Variants in TTC28 observed in about 807,000 individuals in gnomAD.
TTC28 encodes tetratricopeptide repeat domain 28, also known as tetratricopeptide repeat protein 28.
TTC28 carries 61 observed loss-of-function variants against 198.0 expected under a neutral mutation model. That is an observed-to-expected ratio of 0.31 (90% CI 0.25 to 0.38). TTC28 has a LOEUF of 0.38. Ranked by LOEUF, TTC28 falls within the 10% of genes least tolerant of loss-of-function variation. The pLI, the probability that TTC28 is intolerant of heterozygous loss-of-function variation, is 1.00. For missense variants in TTC28, 2,678 were observed against 3,164.0 expected (o/e 0.85, Z 3.69); for synonymous variants, 1,171 against 1,297.8 (o/e 0.90, Z 2.10).
At chr22:28,306,752 A>C in intron 2 of TTC28, 109 bp from the exon 3 acceptor site, 1 of 1,208,922 alleles carries the variant, frequency 8.3e-7, no homozygotes, top group Non-Finnish European at 1.2e-6. Context: ...GATGTACTTG[A>C]TTTAAAAACC....
intron 2 of TTC28, among the ~76,000 whole-genome samples, chr22:28,548,394 T>C (rs1272550103): frequency 6.6e-6 from 1 of 152,158 alleles, no homozygotes; most frequent in Non-Finnish European, 1.5e-5. Context: ...CAAACCAACA[T>C]GGCAATCTCT....
chr22:28,536,124 G>T (rs1396343455), intron 2 of TTC28, among the ~76,000 whole-genome samples: 6 of 149,154 alleles, frequency 4.0e-5, no homozygotes, highest in Non-Finnish European at 8.9e-5. Context: ...GCGGGAACCC[G>T]GGAGGCGGAG....
chr22:28,509,616 A>G (rs983256760), intron 2 of TTC28, among the ~76,000 whole-genome samples: 3 of 152,190 alleles, frequency 2.0e-5, no homozygotes, highest in African/African-American at 7.2e-5. Flanking sequence ...CATCTCAACT[A>G]AAAGAACTAG....
At chr22:28,086,746 A>G (rs2146830881) in intron 12 of TTC28, among the ~76,000 whole-genome samples, 1 of 152,324 alleles carries the variant, frequency 6.6e-6, no homozygotes, top group Middle Eastern at 3.4e-3. Context: ...GAAAGGATCA[A>G]CAAAATTGAT....
At chr22:28,113,261 T>C (rs1271489979) in intron 6 of TTC28, among the ~76,000 whole-genome samples, 1 of 152,180 alleles carries the variant, frequency 6.6e-6, no homozygotes, top group Admixed American at 6.5e-5. Flanking sequence ...GTATTGAAAG[T>C]GTTACAGTCA....
At chr22:28,301,971 G>A (rs1384033608) in intron 3 of TTC28, among the ~76,000 whole-genome samples, 3 of 152,050 alleles carry the variant, frequency 2.0e-5, no homozygotes, top group South Asian at 4.2e-4. Flanking sequence ...CGGGAAGGTC[G>A]AGGCTGCAGT....
chr22:28,679,614 G>C lies in TTC28; in HGVS notation c.102+8C>G. The stretch of plus-strand genomic sequence containing the variant: ...AAGTCTCCCGGCCCGAGCCCCTCAC[G>C]CACTCACCGGCGCCGACGCCGGCGG... On this transcript the variant is annotated splice_region_variant and intron_variant, in intron 1 of 22. Coordinates refer to ENST00000397906, the MANE Select transcript of TTC28 (RefSeq NM_001145418.2). 3 of 1,455,142 alleles carry C rather than the reference G, an allele frequency of 2.1e-6. No homozygotes were observed. The highest frequency in any genetic ancestry group is 2.7e-6 in the Non-Finnish European group (3 of 1,104,418). 90.1% of individuals were successfully genotyped at this position (1,455,142 alleles called of 1,614,324 possible). A position where few individuals can be genotyped will look rare whatever the true frequency, so the allele number is the denominator to read the frequency against.
At chr22:28,008,812 C>T (rs1270572051) in intron 14 of TTC28, among the ~76,000 whole-genome samples, 1 of 152,196 alleles carries the variant, frequency 6.6e-6, no homozygotes, top group Non-Finnish European at 1.5e-5. Context: ...CTGCAGAGCC[C>T]TGCCACAAGT....
chr22:28,678,999 G>A (rs9613664), intron 1 of TTC28, among the ~76,000 whole-genome samples: 3 of 152,118 alleles, frequency 2.0e-5, no homozygotes, highest in Non-Finnish European at 4.4e-5. Flanking sequence ...GGGTAAGCTC[G>A]AGAGCCCAGA....
intron 2 of TTC28, among the ~76,000 whole-genome samples, chr22:28,392,582 T>G (rs546124177): frequency 4.9e-4 from 75 of 152,314 alleles, no homozygotes; most frequent in Non-Finnish European, 9.7e-4. Flanking sequence ...AGCGCAGTAT[T>G]CGGGTGGGAG....
intron 14 of TTC28, among the ~76,000 whole-genome samples, chr22:28,003,804 T>C (rs1020506123): frequency 6.6e-6 from 1 of 152,192 alleles, no homozygotes; most frequent in African/African-American, 2.4e-5. Flanking sequence ...ATGCATGTCC[T>C]TGAAGGCAGC....
At chr22:28,636,037 T>C (rs2146221885) in intron 1 of TTC28, among the ~76,000 whole-genome samples, 1 of 152,012 alleles carries the variant, frequency 6.6e-6, no homozygotes, top group Non-Finnish European at 1.5e-5. Context: ...TACATATAAG[T>C]TAGATCATAC....
chr22:28,017,062 T>C (rs1938405829), intron 13 of TTC28, among the ~76,000 whole-genome samples: 1 of 152,224 alleles, frequency 6.6e-6, no homozygotes, highest in East Asian at 1.9e-4. Context: ...CCTTGGGCAC[T>C]GCTTCATGCC....
At position 28,398,849 on chromosome 22, in the gene TTC28, C is replaced by A. The variant is rs899101995; in HGVS notation, c.382-92206G>T. The stretch of plus-strand genomic sequence containing the variant: ...GACCTATCAAGTGAGTATTGCCAAT[C>A]TTTTACCATTAATCTTCTTTCTAAT... On this transcript the variant is annotated intron_variant, in intron 2 of 22. Transcript: ENST00000397906. 2.6e-5 allele frequency among the ~76,000 whole-genome samples: 4 copies of A among 152,106 alleles called. 1 individual carries two copies. The highest frequency in any genetic ancestry group is 6.6e-5 in the Admixed American group (1 of 15,254).
At chr22:28,447,191 A>G (rs2047714786) in intron 2 of TTC28, among the ~76,000 whole-genome samples, 1 of 152,186 alleles carries the variant, frequency 6.6e-6, no homozygotes, top group African/African-American at 2.4e-5. Context: ...CTATATAACA[A>G]AAGTTTTCAG....
chr22:28,570,744 T>C (rs1193021710), intron 2 of TTC28, among the ~76,000 whole-genome samples: 2 of 152,218 alleles, frequency 1.3e-5, no homozygotes, highest in Non-Finnish European at 2.9e-5. Context: ...TTTTATGTTA[T>C]GTATATTTTA....
intron 6 of TTC28, among the ~76,000 whole-genome samples, chr22:28,137,470 G>A (rs1943225436): frequency 1.3e-5 from 2 of 152,044 alleles, no homozygotes; most frequent in South Asian, 2.1e-4. Flanking sequence ...TCAGTAGAAC[G>A]TGACTACCAT....
chr22:28,562,215 A>AG (rs2049895020), intron 2 of TTC28, among the ~76,000 whole-genome samples: 1 of 152,248 alleles, frequency 6.6e-6, no homozygotes, highest in South Asian at 2.1e-4. Flanking sequence ...AGAATAAAAA[A>AG]TATAACCACT....
intron 6 of TTC28, among the ~76,000 whole-genome samples, chr22:28,140,121 T>C (rs973021273): frequency 7.2e-5 from 11 of 152,156 alleles, no homozygotes; most frequent in African/African-American, 2.4e-4. Context: ...GGGTCTGCTC[T>C]GACTCTCTGC....
Sources: gnomAD v4.1 joint callset for allele counts (sites outside exome capture counted in the v4.1 genomes callset) on GRCh38, gnomAD v4.1.1 for gene constraint, MANE v1.5 for transcripts, NCBI Gene and HGNC (gene_info 2026-07-23, HGNC 2026-07-21) for gene names.